Variants in SLC36A1 observed in about 807,000 individuals in gnomAD.
SLC36A1 encodes solute carrier family 36 member 1.
A neutral mutation model predicts 47.5 loss-of-function variants in SLC36A1; 30 were observed. That is an observed-to-expected ratio of 0.63 (90% confidence interval 0.47 to 0.86). The LOEUF is 0.86. SLC36A1 is among the 40% of genes least tolerant of loss of function. The probability of loss-of-function intolerance (pLI) is 0.00; values close to 1 mark genes in which losing one functional copy is unlikely to be tolerated. For missense variants in SLC36A1, 517 were observed against 606.0 expected, an observed-to-expected ratio of 0.85 and a Z score of 1.54; for synonymous variants, 255 against 249.7, an observed-to-expected ratio of 1.02 and a Z score of -0.20.
the SLC36A1 span, chr5:151,382,193 T>C: frequency 2.6e-6 from 3 of 1,138,854 alleles, no homozygotes; most frequent in East Asian, 7.1e-5. Context: ...ATGAGCAGCG[T>C]CTGATGTCCT....
At chr5:151,512,277 C>G in the SLC36A1 span, 1 of 1,614,106 alleles carries the variant, frequency 6.2e-7, no homozygotes, top group African/African-American at 1.3e-5. The surrounding 1 kb of genome is among the most constrained non-coding windows in gnomAD (Gnocchi z 4.1). Context: ...AGCCTGCCAC[C>G]GTCTTGCCAG....
chr5:151,457,531 G>A (rs1334470339), intron 1 of SLC36A1, among the ~76,000 whole-genome samples: 2 of 152,206 alleles, frequency 1.3e-5, no homozygotes, highest in African/African-American at 4.8e-5. Context: ...TTAAAAATGA[G>A]CACATCTATA....
At chr5:151,520,896 C>T in the SLC36A1 span, among the ~76,000 whole-genome samples, 1 of 152,216 alleles carries the variant, frequency 6.6e-6, no homozygotes, top group African/African-American at 2.4e-5. Flanking sequence ...ATACATAGTA[C>T]TGATGTAATT....
At chr5:151,412,329 A>G in the SLC36A1 span, among the ~76,000 whole-genome samples, 1 of 144,890 alleles carries the variant, frequency 6.9e-6, no homozygotes, top group Non-Finnish European at 1.5e-5. Context: ...TTTGGGCATT[A>G]TGCAGAAATT....
chr5:151,482,689 G>T (rs1156652425), intron 10 of SLC36A1, among the ~76,000 whole-genome samples: 1 of 152,098 alleles, frequency 6.6e-6, no homozygotes, highest in Admixed American at 6.5e-5. Context: ...CTGTATTGGT[G>T]GATCATATTA....
At chr5:151,515,901 T>G in the SLC36A1 span, among the ~76,000 whole-genome samples, 1 of 152,244 alleles carries the variant, frequency 6.6e-6, no homozygotes, top group African/African-American at 2.4e-5. Context: ...GCCTCCATTT[T>G]GCTCAGAATA....
chr5:151,539,041 C>T, the SLC36A1 span, among the ~76,000 whole-genome samples: 1 of 152,000 alleles, frequency 6.6e-6, no homozygotes, highest in Non-Finnish European at 1.5e-5. Context: ...TGAACCATCT[C>T]CGGGAGGGCC....
chr5:151,476,959 A>G (rs1758150587), intron 9 of SLC36A1: 2 of 715,784 alleles, frequency 2.8e-6, no homozygotes, highest in Non-Finnish European at 5.0e-6. Context: ...TGCTGAAGCC[A>G]TTGGTGCTGA....
At chr5:151,358,077 C>G in the SLC36A1 span, among the ~76,000 whole-genome samples, 11 of 152,162 alleles carry the variant, frequency 7.2e-5, no homozygotes, top group Non-Finnish European at 1.5e-4. Flanking sequence ...TGACCACGGT[C>G]TGCTCAGTTG....
chr5:151,550,462 A>T, the SLC36A1 span: 1 of 1,089,638 alleles, frequency 9.2e-7, no homozygotes, highest in South Asian at 1.6e-5. Context: ...CAGCTGTGAA[A>T]TGTCACAACT....
Position 151,473,719 on chromosome 5 carries a change from C to T in SLC36A1, c.770C>T (p.Thr257Ile). Residue 257 changes from threonine to isoleucine, a missense_variant, in exon 8 of 11, where the codon ACC (threonine) becomes ATC (isoleucine). By Grantham distance (89) the Thr-to-Ile change is moderately conservative. Transcript: ENST00000243389. ...SHLPLVAPWK[T>I]YPLFFGTAIF... ...CTCCCCTTGGTGGCCCCTTGGAAGA[C>T]CTACCCTCTCTTCTTTGGCACAGCG... is the stretch of plus-strand genomic sequence containing the variant. The T allele has an allele frequency of 1.9e-6, 3 of 1,614,074 alleles. No homozygotes were observed. Among genetic ancestry groups the T allele is most frequent in the Non-Finnish European group, 2.5e-6 (3 of 1,179,964 alleles).
At chr5:151,503,183 A>G in the SLC36A1 span, among the ~76,000 whole-genome samples, 1 of 147,898 alleles carries the variant, frequency 6.8e-6, no homozygotes, top group Non-Finnish European at 1.5e-5. Flanking sequence ...AAACCCATAG[A>G]ATGTGCAACA....
chr5:151,538,828 C>T, the SLC36A1 span, among the ~76,000 whole-genome samples: 2 of 151,664 alleles, frequency 1.3e-5, no homozygotes, highest in East Asian at 3.9e-4. Flanking sequence ...AGGTGCGTGC[C>T]ACCACACCTG....
chr5:151,386,143 G>A, the SLC36A1 span, among the ~76,000 whole-genome samples: 74,956 of 151,486 alleles, frequency 0.49, 20,527 homozygotes, highest in African/African-American at 0.75. Flanking sequence ...CTCCCAAAGT[G>A]CTGAGATTAC....
chr5:151,528,310 G>C, the SLC36A1 span, among the ~76,000 whole-genome samples: 119 of 152,286 alleles, frequency 7.8e-4, no homozygotes, highest in African/African-American at 2.8e-3. Context: ...ACTTCAGCAT[G>C]CCATGGTTTA....
chr5:151,544,296 A>G, the SLC36A1 span: 4 of 1,614,106 alleles, frequency 2.5e-6, no homozygotes, highest in South Asian at 2.2e-5. Context: ...TGGAAGTGGT[A>G]TAGACCAATT....
At chr5:151,511,163 G>C in the SLC36A1 span, 2 of 152,340 alleles carry the variant, frequency 1.3e-5, no homozygotes, top group African/African-American at 4.8e-5. Flanking sequence ...GACAGCAATG[G>C]GGAAAGAGAG....
chr5:151,531,098 C>T, the SLC36A1 span, among the ~76,000 whole-genome samples: 270 of 152,178 alleles, frequency 1.8e-3, 1 homozygote, highest in African/African-American at 6.1e-3. The surrounding 1 kb of genome is among the most constrained non-coding windows in gnomAD (Gnocchi z 5.7). Context: ...AGAAGTGAGA[C>T]GGTTTCCTAG....
chr5:151,537,327 A>G, the SLC36A1 span, among the ~76,000 whole-genome samples: 1 of 2,650 alleles, frequency 3.8e-4, no homozygotes, highest in African/African-American at 1.6e-3. Flanking sequence ...AAGAGAAAAA[A>G]AGAAAGAAAA....
Sources: allele counts gnomAD v4.1 joint callset (sites outside exome capture counted in the v4.1 genomes callset), GRCh38; gene constraint gnomAD v4.1.1; non-coding constraint Gnocchi (gnomAD v3.1); transcripts MANE v1.5; gene names NCBI Gene and HGNC (gene_info 2026-07-23, HGNC 2026-07-21).